PTPRD: variants seen among roughly 807,000 people sequenced by gnomAD.
The protein encoded by PTPRD is receptor-type tyrosine-protein phosphatase delta.
In PTPRD, 34 loss-of-function variants were observed where a neutral mutation model predicts 214.5. The ratio of observed to expected loss-of-function variants is 0.16; its 90% CI spans 0.12 to 0.21. The LOEUF is 0.21. Among genes scored for constraint, PTPRD ranks in the 10% least tolerant of loss-of-function variants. PTPRD has a pLI of 1.00. For synonymous variants in PTPRD, 1,128 were observed against 845.7 expected (o/e 1.33, Z -5.79); for missense variants, 2,545 against 2,398.7 (o/e 1.06, Z -1.27).
intron 7 of PTPRD, among the ~76,000 whole-genome samples, chr9:9,576,856 A>G (rs2089027737): frequency 6.6e-6 from 1 of 152,210 alleles, no homozygotes; most frequent in African/African-American, 2.4e-5. Context: ...ACTGTGTTGC[A>G]TATTTGCAAT....
At chr9:10,180,822 C>CATCT (rs1465944054) in intron 3 of PTPRD, among the ~76,000 whole-genome samples, 1 of 151,776 alleles carries the variant, frequency 6.6e-6, no homozygotes, top group East Asian at 1.9e-4. Context: ...ATCACATGAT[C>CATCT]ATCTCATTTA....
At chr9:9,328,652 T>C (rs898411424) in intron 9 of PTPRD, among the ~76,000 whole-genome samples, 1 of 89,934 alleles carries the variant, frequency 1.1e-5, no homozygotes, top group African/African-American at 4.5e-5. Flanking sequence ...TTTTTTTTTT[T>C]TTTGAGATAG....
chr9:9,413,342 C>G (rs2142024465), intron 8 of PTPRD, among the ~76,000 whole-genome samples: 1 of 150,640 alleles, frequency 6.6e-6, no homozygotes, highest in East Asian at 2.0e-4. Flanking sequence ...TCTCGATCTC[C>G]TGACCTCATG....
At chr9:9,226,092 G>A (rs938679301) in intron 9 of PTPRD, among the ~76,000 whole-genome samples, 1 of 151,922 alleles carries the variant, frequency 6.6e-6, no homozygotes. Flanking sequence ...ATGAATTGAC[G>A]TTACCTCTAC....
rs778891798 is a variant in PTPRD at position 8,733,878 on chromosome 9, G to GTCCGATCT, written c.-36_-35insAGATCGGA. On this transcript the variant is annotated 5_prime_UTR_variant, in exon 12 of 46. Coordinates refer to ENST00000381196, the MANE Select transcript of PTPRD (RefSeq NM_002839.4). The stretch of plus-strand genomic sequence containing the variant: ...TGGCAGCAGCGTGCGCGAGCAGCTT[G>GTCCGATCT]GAATCACTGCCTCCGGAGCCGCAGC... 2.6e-6 allele frequency: 4 copies of GTCCGATCT among 1,547,180 alleles called. No homozygotes were observed. The South Asian group carries it at 4.8e-5, about 18-fold the overall frequency.
chr9:10,053,400 T>G (rs565814831), intron 3 of PTPRD, among the ~76,000 whole-genome samples: 1 of 152,134 alleles, frequency 6.6e-6, no homozygotes, highest in Non-Finnish European at 1.5e-5. Context: ...GTTTTACAAG[T>G]GAGGGAACTT....
At chr9:10,172,106 A>G (rs991271635) in intron 3 of PTPRD, among the ~76,000 whole-genome samples, 2 of 152,190 alleles carry the variant, frequency 1.3e-5, no homozygotes, top group African/African-American at 4.8e-5. Context: ...TACACATATG[A>G]TGGTTCTTAA....
At chr9:8,639,447 G>A (rs560883878) in intron 12 of PTPRD, among the ~76,000 whole-genome samples, 1 of 152,016 alleles carries the variant, frequency 6.6e-6, no homozygotes, top group African/African-American at 2.4e-5. Context: ...CTGTCAACCG[G>A]GAAGGAAAAT....
In PTPRD at chr9:9,851,985, C is replaced by T. The variant is rs138236664; in HGVS notation, c.-367-85134G>A. Among the ~76,000 whole-genome samples the T allele has an allele frequency of 2.9e-3, 437 of 152,136 alleles. 8 individuals are homozygous for T. Among genetic ancestry groups the T allele is most frequent in the East Asian group, 1.7e-3 (9 of 5,180 alleles). On this transcript the variant is annotated intron_variant, in intron 5 of 45. Transcript: ENST00000381196. ...TTGCAAATTAAGTTCTGTGAAGTCC[C>T]CGATTTCAGATTTAACATGGAAATT... is the stretch of plus-strand genomic sequence containing the variant.
intron 11 of PTPRD, among the ~76,000 whole-genome samples, chr9:8,843,864 G>C (rs72704320): frequency 0.15 from 23,224 of 152,144 alleles, 2,052 homozygotes; most frequent in East Asian, 0.32. Context: ...AGATGGAGAG[G>C]TCAGCTGGAG....
intron 12 of PTPRD, among the ~76,000 whole-genome samples, chr9:8,725,610 A>G (rs1746355596): frequency 1.3e-5 from 2 of 152,174 alleles, no homozygotes; most frequent in African/African-American, 4.8e-5. Context: ...AACTAATGAG[A>G]AAAAAAGGCA....
At chr9:8,801,758 G>A (rs1256361636) in intron 11 of PTPRD, among the ~76,000 whole-genome samples, 1 of 152,130 alleles carries the variant, frequency 6.6e-6, no homozygotes, top group Non-Finnish European at 1.5e-5. Context: ...AAGTGTACAG[G>A]AGTGTTACCC....
intron 5 of PTPRD, among the ~76,000 whole-genome samples, chr9:9,898,488 T>A (rs762800448): frequency 1.3e-5 from 2 of 152,060 alleles, no homozygotes; most frequent in South Asian, 2.1e-4. Flanking sequence ...CAGAGAAAGA[T>A]ACCGCATCAA....
In PTPRD at chr9:9,901,852, C is replaced by G. The variant is rs547644668; in HGVS notation, c.-368+36655G>C. On this transcript the variant is annotated intron_variant, in intron 5 of 45. Coordinates refer to ENST00000381196, the MANE Select transcript of PTPRD (RefSeq NM_002839.4). ...ATCTTTACATGTCAGAGCCAGAGAGCAAGAGCAGGGGGAAGTGCTACACAC... is the reference window on the plus strand; with the variant it reads ...ATCTTTACATGTCAGAGCCAGAGAGGAAGAGCAGGGGGAAGTGCTACACAC... Among the ~76,000 whole-genome samples the G allele has an allele frequency of 3.9e-5, 6 of 152,192 alleles. No individual in the cohort carries two copies. In the South Asian group the frequency reaches 1.2e-3, roughly 32 times the overall value.
rs139183901 is a variant in PTPRD at position 9,312,639 on chromosome 9, G to A, written c.-203+84810C>T. Among the ~76,000 whole-genome samples the A allele has an allele frequency of 7.9e-5, 12 of 152,232 alleles. No individual in the cohort carries two copies. In the East Asian group the frequency reaches 2.3e-3, roughly 29 times the overall value. ...TGGGTGTGAGTACACCCTGTGATGGGATGTCATTTTGTCCCAGGTGGGTTC... is the reference window on the plus strand; with the variant it reads ...TGGGTGTGAGTACACCCTGTGATGGAATGTCATTTTGTCCCAGGTGGGTTC... On this transcript the variant is annotated intron_variant, in intron 9 of 45. Coordinates refer to ENST00000381196, the MANE Select transcript of PTPRD (RefSeq NM_002839.4).
At chr9:10,003,671 A>C (rs2096392054) in intron 4 of PTPRD, among the ~76,000 whole-genome samples, 1 of 151,776 alleles carries the variant, frequency 6.6e-6, no homozygotes, top group African/African-American at 2.4e-5. Flanking sequence ...TAACCCAATA[A>C]GGCTGATAAA....
chr9:9,016,433 G>T (rs1486919221), intron 11 of PTPRD, among the ~76,000 whole-genome samples: 2 of 152,030 alleles, frequency 1.3e-5, no homozygotes, highest in Admixed American at 1.3e-4. Flanking sequence ...TCCAAAAATG[G>T]GGACAAACAG....
In PTPRD at chr9:10,179,407, G is replaced by A. The variant is rs576302318; in HGVS notation, c.-544-145617C>T. 4.6e-5 allele frequency among the ~76,000 whole-genome samples: 7 copies of A among 152,014 alleles called. No individual in the cohort carries two copies. The East Asian group carries it at 7.7e-4, about 17-fold the overall frequency. On this transcript the variant is annotated intron_variant, in intron 3 of 45. Coordinates refer to ENST00000381196, the MANE Select transcript of PTPRD (RefSeq NM_002839.4). ...AACTTCAGTAAGATATGGAAACAAG[G>A]TGAATAAAGAAGTTAGTAAATTTAC... is the stretch of plus-strand genomic sequence containing the variant.
At chr9:10,509,587 CACTT>C (rs565434548) in intron 2 of PTPRD, among the ~76,000 whole-genome samples, 1,199 of 66,370 alleles carry the variant, frequency 0.018, 14 homozygotes, top group Middle Eastern at 0.026. Flanking sequence ...ATATTTTACT[CACTT>C]ACTTACTTTC....
Sources: allele counts gnomAD v4.1 joint callset (sites outside exome capture counted in the v4.1 genomes callset), GRCh38; gene constraint gnomAD v4.1.1; transcripts MANE v1.5; gene names NCBI Gene and HGNC (gene_info 2026-07-23, HGNC 2026-07-21).